MYLK: variants seen among roughly 807,000 people sequenced by gnomAD.
MYLK encodes the protein myosin light chain kinase.
A neutral mutation model predicts 203.4 loss-of-function variants in MYLK; 106 were observed. The ratio of observed to expected loss-of-function variants is 0.52; its 90% CI spans 0.45 to 0.61. The LOEUF is 0.61. MYLK is among the 20% of genes least tolerant of loss of function. The pLI is 0.00. For synonymous variants in MYLK, 867 were observed against 959.5 expected, an observed-to-expected ratio of 0.90 and a Z score of 1.78; for missense variants, 2,072 against 2,442.3, an observed-to-expected ratio of 0.85 and a Z score of 3.20.
chr3:123,852,885 T>C (rs1398080958), intron 2 of MYLK, among the ~76,000 whole-genome samples: 1 of 152,138 alleles, frequency 6.6e-6, no homozygotes. Context: ...ATTTGCGGTG[T>C]TGGAAAATAA....
At chr3:123,795,653 C>T (rs548320470) in intron 3 of MYLK, among the ~76,000 whole-genome samples, 9 of 152,356 alleles carry the variant, frequency 5.9e-5, no homozygotes, top group African/African-American at 2.2e-4. Flanking sequence ...ACCTGGAATA[C>T]ACCCAAAGTG....
chr3:123,812,948 G>A (rs550147407), intron 3 of MYLK, among the ~76,000 whole-genome samples: 110 of 152,262 alleles, frequency 7.2e-4, no homozygotes, highest in African/African-American at 2.5e-3. Context: ...CACTTTTCTT[G>A]CAAGATGAAC....
chr3:123,646,082 C>G (rs2059010220), intron 27 of MYLK, among the ~76,000 whole-genome samples: 1 of 152,166 alleles, frequency 6.6e-6, no homozygotes, highest in East Asian at 1.9e-4. Flanking sequence ...CGAGATGGCA[C>G]CACTGCCCTC....
intron 27 of MYLK, 139 bp downstream of exon 27, chr3:123,647,085 G>C: frequency 1.3e-6 from 1 of 793,558 alleles, no homozygotes; most frequent in East Asian, 2.7e-5. Flanking sequence ...TGGCTGTATG[G>C]CTGGTGAGCA....
At chr3:123,698,329 C>T (rs2108563598) in intron 18 of MYLK, among the ~76,000 whole-genome samples, 1 of 152,274 alleles carries the variant, frequency 6.6e-6, no homozygotes, top group South Asian at 2.1e-4. Flanking sequence ...ATGCAGGGAC[C>T]ACAGATAATG....
At position 123,843,795 on chromosome 3, in the gene MYLK, A is replaced by G. The variant is rs373075996; in HGVS notation, c.-126-12125T>C. Among the ~76,000 whole-genome samples, 92 of 152,272 alleles carry G rather than the reference A, an allele frequency of 6.0e-4. 2 individuals carry two copies. In the South Asian group the frequency reaches 0.011, roughly 18 times the overall value. ...GCTGGGACCTCTACTGGGGCATCAT[A>G]GCTCCAAAGGAATCCTTCTGACATG... On this transcript the variant is annotated intron_variant, in intron 2 of 33. Coordinates refer to ENST00000360304, the MANE Select transcript of MYLK (RefSeq NM_053025.4).
At chr3:123,883,911 G>A (rs955984946) in intron 1 of MYLK, among the ~76,000 whole-genome samples, 3 of 152,042 alleles carry the variant, frequency 2.0e-5, no homozygotes, top group African/African-American at 7.2e-5. Flanking sequence ...AGAAGGGTCC[G>A]CTTCTCCTCC....
intron 19 of MYLK, among the ~76,000 whole-genome samples, chr3:123,683,983 C>T (rs750793782): frequency 6.6e-6 from 1 of 152,168 alleles, no homozygotes; most frequent in Non-Finnish European, 1.5e-5. Flanking sequence ...CACTCTTAAG[C>T]TCCTCAGGAG....
At position 123,626,559 on chromosome 3, in the gene MYLK, G is replaced by A. The variant is rs112459036; in HGVS notation, c.5238+259C>T. 3.8e-3 allele frequency among the ~76,000 whole-genome samples: 586 copies of A among 152,272 alleles called. 3 individuals carry two copies. The highest frequency in any genetic ancestry group is 0.013 in the African/African-American group (560 of 41,544). On this transcript the variant is annotated intron_variant, in intron 31 of 33. Transcript: ENST00000360304. ...TGGCTTAATCTGAATAAGGGTTTAC[G>A]GTCCCCTGGGGCAAAGGTGAGCAGG...
chr3:123,655,345 G>T (rs183763037), intron 24 of MYLK, among the ~76,000 whole-genome samples: 306 of 151,986 alleles, frequency 2.0e-3, no homozygotes, highest in African/African-American at 6.8e-3. Context: ...CTTTCTCCTG[G>T]TACTGCAAGT....
At chr3:123,751,164 G>A (rs1319404340) in intron 5 of MYLK, among the ~76,000 whole-genome samples, 4 of 152,344 alleles carry the variant, frequency 2.6e-5, no homozygotes, top group African/African-American at 4.8e-5. Flanking sequence ...TAGAAAGACC[G>A]GGAAGGGTCA....
At chr3:123,876,133 A>G (rs1486759093) in intron 2 of MYLK, among the ~76,000 whole-genome samples, 1 of 152,176 alleles carries the variant, frequency 6.6e-6, no homozygotes, top group East Asian at 1.9e-4. Context: ...ACTTAGGACT[A>G]CAGATGTAAA....
At chr3:123,728,116 A>G (rs2062352776) in intron 11 of MYLK, among the ~76,000 whole-genome samples, 2 of 152,222 alleles carry the variant, frequency 1.3e-5, no homozygotes, top group Admixed American at 6.5e-5. Context: ...CCATAAAAGC[A>G]ACAACAATAC....
intron 31 of MYLK, chr3:123,621,504 C>T (rs909597438): frequency 2.6e-5 from 4 of 152,342 alleles, no homozygotes; most frequent in Admixed American, 1.3e-4. Flanking sequence ...TGCTCAAGTA[C>T]TTCAGTAAAG....
chr3:123,828,822 T>A (rs2066227072), intron 3 of MYLK, among the ~76,000 whole-genome samples: 1 of 152,098 alleles, frequency 6.6e-6, no homozygotes, highest in Admixed American at 6.6e-5. Context: ...AGAAGAAATA[T>A]AAATTGCCAA....
At chr3:123,759,322 T>C (rs544467691) in intron 4 of MYLK, among the ~76,000 whole-genome samples, 1 of 152,014 alleles carries the variant, frequency 6.6e-6, no homozygotes, top group South Asian at 2.1e-4. Flanking sequence ...TCACCATGGG[T>C]CTCCACGGAT....
intron 3 of MYLK, among the ~76,000 whole-genome samples, chr3:123,807,693 C>A (rs956415129): frequency 1.3e-5 from 2 of 152,212 alleles, no homozygotes; most frequent in Non-Finnish European, 2.9e-5. Context: ...AAGGCTGACA[C>A]CACCATCAGC....
At chr3:123,723,650 G>T (rs1021960902) in intron 12 of MYLK, among the ~76,000 whole-genome samples, 1 of 152,226 alleles carries the variant, frequency 6.6e-6, no homozygotes, top group African/African-American at 2.4e-5. Context: ...TTGGCTCAGG[G>T]CACATCAGAA....
intron 13 of MYLK, 32 bp from the exon 14 acceptor site, chr3:123,709,925 C>T (rs772567765): frequency 1.9e-6 from 3 of 1,612,624 alleles, no homozygotes; most frequent in South Asian, 2.2e-5. Flanking sequence ...GTGGGGTGAA[C>T]ATTCATGCAT....
Sources: allele counts gnomAD v4.1 joint callset (sites outside exome capture counted in the v4.1 genomes callset), GRCh38; gene constraint gnomAD v4.1.1; transcripts MANE v1.5; gene names NCBI Gene and HGNC (gene_info 2026-07-23, HGNC 2026-07-21).